The following STX8 variants were observed in gnomAD, a reference collection of about 807,000 sequenced individuals.
STX8 encodes syntaxin-8.
Under a neutral mutation model 37.5 loss-of-function variants are expected in STX8, and 23 were observed. That is an observed-to-expected ratio of 0.61 (90% CI 0.44 to 0.87). STX8 has a LOEUF of 0.87. Ranked by LOEUF, STX8 falls within the 40% of genes least tolerant of loss-of-function variation. The probability of loss-of-function intolerance (pLI) is 0.00; values close to 1 mark genes in which losing one functional copy is unlikely to be tolerated. For synonymous variants in STX8, 115 were observed against 99.1 expected (o/e 1.16, Z -0.95); for missense variants, 313 against 284.7 (o/e 1.10, Z -0.71).
At chr17:9,410,145 T>C (rs1912933128) in intron 6 of STX8, among the ~76,000 whole-genome samples, 1 of 152,220 alleles carries the variant, frequency 6.6e-6, no homozygotes, top group Non-Finnish European at 1.5e-5. Context: ...TCCACTCTGT[T>C]TCATGCTTGC....
chr17:9,299,916 G>A (rs1172793590), intron 7 of STX8, among the ~76,000 whole-genome samples: 1 of 152,134 alleles, frequency 6.6e-6, no homozygotes, highest in East Asian at 1.9e-4. Flanking sequence ...CCAACACTTG[G>A]AGATGTAGAG....
chr17:9,481,057 T>C (rs879663034), intron 6 of STX8, among the ~76,000 whole-genome samples: 3 of 152,120 alleles, frequency 2.0e-5, no homozygotes, highest in African/African-American at 4.8e-5. Flanking sequence ...GCTAATTTTT[T>C]GTATTTTTAG....
intron 6 of STX8, among the ~76,000 whole-genome samples, chr17:9,443,814 C>A (rs73263538): frequency 0.017 from 2,546 of 152,282 alleles, 84 homozygotes; most frequent in African/African-American, 0.057. Flanking sequence ...TACTAAATGA[C>A]AACTAAACAG....
At chr17:9,456,177 C>T (rs73263554) in intron 6 of STX8, among the ~76,000 whole-genome samples, 2,176 of 152,000 alleles carry the variant, frequency 0.014, 57 homozygotes, top group African/African-American at 0.051. Context: ...TTCCTATTTT[C>T]CCACGGAAAT....
At chr17:9,562,616 ATATAT>A (rs1907292754) in intron 2 of STX8, among the ~76,000 whole-genome samples, 1 of 6,360 alleles carries the variant, frequency 1.6e-4, no homozygotes, top group African/African-American at 2.3e-4. Context: ...AAAAAAAAAT[ATATAT>A]ATATATATAT....
chr17:9,469,244 G>A (rs1057163483), intron 6 of STX8: 1 of 152,162 alleles, frequency 6.6e-6, no homozygotes, highest in Non-Finnish European at 1.5e-5. Context: ...AATCTCCTTT[G>A]AGCAAGGTGA....
intron 5 of STX8, among the ~76,000 whole-genome samples, chr17:9,496,393 C>A (rs1325812732): frequency 1.3e-5 from 2 of 152,038 alleles, no homozygotes; most frequent in Non-Finnish European, 2.9e-5. Context: ...ACTTTCTTAC[C>A]AACAAAACTA....
intron 7 of STX8, among the ~76,000 whole-genome samples, chr17:9,266,812 A>C (rs1907247574): frequency 6.6e-6 from 1 of 152,160 alleles, no homozygotes; most frequent in Non-Finnish European, 1.5e-5. Flanking sequence ...GAAAAGAAAA[A>C]TAAGGGGCTG....
chr17:9,489,984 G>A (rs1038385866), intron 6 of STX8, among the ~76,000 whole-genome samples: 6 of 151,922 alleles, frequency 3.9e-5, no homozygotes, highest in Non-Finnish European at 8.8e-5. Flanking sequence ...CACCGTGCCC[G>A]GCCTATAAAG....
rs544477932 is a variant in STX8 at position 9,292,146 on chromosome 17, C to T, written c.644-41501G>A. On this transcript the variant is annotated intron_variant, in intron 7 of 7. Coordinates refer to ENST00000306357, the MANE Select transcript of STX8 (RefSeq NM_004853.3). The stretch of plus-strand genomic sequence containing the variant: ...GGAATCCAGGAGGTACAGGACTGGC[C>T]CAGAGGTGGATGGACGGAGTCCCTG... Among the ~76,000 whole-genome samples, 162 of 152,332 alleles carry T rather than the reference C, an allele frequency of 1.1e-3. 1 individual carries two copies. Among genetic ancestry groups the T allele is most frequent in the Middle Eastern group, 0.01 (3 of 294 alleles).
intron 7 of STX8, among the ~76,000 whole-genome samples, chr17:9,366,145 A>G (rs1300407013): frequency 2.0e-5 from 3 of 152,214 alleles, no homozygotes; most frequent in Non-Finnish European, 4.4e-5. Context: ...GCTATGTCTT[A>G]GAGAAACCTG....
intron 4 of STX8, among the ~76,000 whole-genome samples, chr17:9,509,422 A>T (rs1342905767): frequency 6.6e-6 from 1 of 152,172 alleles, no homozygotes; most frequent in Non-Finnish European, 1.5e-5. Context: ...TCTGCCAACC[A>T]AGAATATTAC....
intron 7 of STX8, among the ~76,000 whole-genome samples, chr17:9,350,112 T>C (rs1910658944): frequency 6.6e-6 from 1 of 152,158 alleles, no homozygotes; most frequent in Non-Finnish European, 1.5e-5. Flanking sequence ...GTTCGAGTAA[T>C]CCTGAATCAC....
chr17:9,472,492 G>C (rs147911333), intron 6 of STX8, among the ~76,000 whole-genome samples: 253 of 152,346 alleles, frequency 1.7e-3, no homozygotes, highest in Non-Finnish European at 2.9e-3. Flanking sequence ...TTCCTGCAGA[G>C]GCACTGAGGA....
chr17:9,456,190 A>G (rs1597684269), intron 6 of STX8, among the ~76,000 whole-genome samples: 1 of 152,246 alleles, frequency 6.6e-6, no homozygotes, highest in Non-Finnish European at 1.5e-5. Flanking sequence ...ACGGAAATGA[A>G]TTACTTTTTA....
At chr17:9,391,794 T>C (rs1431710190) in intron 6 of STX8, among the ~76,000 whole-genome samples, 1 of 151,440 alleles carries the variant, frequency 6.6e-6, no homozygotes, top group Non-Finnish European at 1.5e-5. Context: ...AAGTCCTAGA[T>C]TTCACACTGG....
Position 9,346,374 on chromosome 17 carries a change from G to A in STX8, c.643+32178C>T, listed in dbSNP as rs1349390833. ...CCTTGACTAAACCAAATATTACCAC[G>A]GGAGCACACATCTTACAGCACTCTG... On this transcript the variant is annotated intron_variant, in intron 7 of 7. Coordinates refer to ENST00000306357, the MANE Select transcript of STX8 (RefSeq NM_004853.3). 4.0e-5 allele frequency among the ~76,000 whole-genome samples: 6 copies of A among 151,858 alleles called. No homozygotes were observed. In the East Asian group the frequency reaches 7.7e-4, roughly 20 times the overall value.
At chr17:9,350,750 C>G (rs1218671825) in intron 7 of STX8, among the ~76,000 whole-genome samples, 1 of 152,186 alleles carries the variant, frequency 6.6e-6, no homozygotes, top group Non-Finnish European at 1.5e-5. Context: ...CCAGGCTGGT[C>G]TCGAATGCCT....
At chr17:9,487,253 A>C (rs1906638559) in intron 6 of STX8, among the ~76,000 whole-genome samples, 1 of 152,198 alleles carries the variant, frequency 6.6e-6, no homozygotes, top group Non-Finnish European at 1.5e-5. Flanking sequence ...CTTGATTCCA[A>C]AATGACCTAG....
Sources: allele counts gnomAD v4.1 joint callset (sites outside exome capture counted in the v4.1 genomes callset), GRCh38; gene constraint gnomAD v4.1.1; transcripts MANE v1.5; gene names NCBI Gene and HGNC (gene_info 2026-07-23, HGNC 2026-07-21).